The following EXOC6B variants were observed in gnomAD, a reference collection of about 807,000 sequenced individuals.
EXOC6B encodes the protein exocyst complex component 6B.
In EXOC6B, 54 loss-of-function variants were observed where a neutral mutation model predicts 113.5. The observed-to-expected ratio is 0.48, with a 90% confidence interval of 0.38 to 0.60. EXOC6B has a LOEUF of 0.60. Ranked by LOEUF, EXOC6B falls within the 20% of genes least tolerant of loss-of-function variation. The probability of loss-of-function intolerance (pLI) is 0.00; values close to 1 mark genes in which losing one functional copy is unlikely to be tolerated. For synonymous variants in EXOC6B, 357 were observed against 339.0 expected, an observed-to-expected ratio of 1.05 and a Z score of -0.58; for missense variants, 797 against 977.5, an observed-to-expected ratio of 0.82 and a Z score of 2.46.
intron 6 of EXOC6B, among the ~76,000 whole-genome samples, chr2:72,609,295 A>T (rs1670926856): frequency 6.6e-6 from 1 of 151,976 alleles, no homozygotes; most frequent in Non-Finnish European, 1.5e-5. Context: ...GCTGACAAAA[A>T]CTTAAATAAC....
chr2:72,339,276 T>C (rs1688888286), intron 19 of EXOC6B, among the ~76,000 whole-genome samples: 2 of 152,070 alleles, frequency 1.3e-5, no homozygotes, highest in African/African-American at 4.8e-5. Flanking sequence ...GGGAAATACA[T>C]GCAATTTTGG....
chr2:72,782,248 T>C (rs992034727), intron 1 of EXOC6B, among the ~76,000 whole-genome samples: 2 of 152,126 alleles, frequency 1.3e-5, no homozygotes, highest in Non-Finnish European at 1.5e-5. Flanking sequence ...CCTACTATTA[T>C]AGAATGCCTA....
intron 18 of EXOC6B, among the ~76,000 whole-genome samples, chr2:72,400,677 A>C (rs538303134): frequency 6.6e-6 from 1 of 152,024 alleles, no homozygotes; most frequent in African/African-American, 2.4e-5. Context: ...AGCCAAAAAA[A>C]AAAAAGAAAA....
chr2:72,216,940 C>T (rs1185973003), intron 20 of EXOC6B, among the ~76,000 whole-genome samples: 1 of 151,222 alleles, frequency 6.6e-6, no homozygotes, highest in Non-Finnish European at 1.5e-5. Context: ...ACTTGGGAGG[C>T]TGAGGCAGGA....
intron 6 of EXOC6B, among the ~76,000 whole-genome samples, chr2:72,591,367 T>C (rs188529565): frequency 5.0e-4 from 76 of 152,264 alleles, no homozygotes; most frequent in African/African-American, 1.6e-3. Context: ...TTTTGTCTGA[T>C]ATTTTATGAG....
intron 5 of EXOC6B, among the ~76,000 whole-genome samples, chr2:72,726,080 G>T (rs1461953919): frequency 6.6e-6 from 1 of 152,188 alleles, no homozygotes; most frequent in Non-Finnish European, 1.5e-5. Context: ...GCTACAACAT[G>T]AATGAATTTT....
intron 18 of EXOC6B, among the ~76,000 whole-genome samples, chr2:72,453,381 G>A (rs542319012): frequency 7.2e-4 from 110 of 152,104 alleles, no homozygotes; most frequent in Middle Eastern, 6.8e-3. Context: ...TTAAATAAAG[G>A]AAATGTTTAA....
intron 1 of EXOC6B, among the ~76,000 whole-genome samples, chr2:72,763,904 A>C (rs1682894336): frequency 1.3e-5 from 2 of 151,606 alleles, no homozygotes; most frequent in African/African-American, 4.8e-5. Flanking sequence ...AACATGGTGA[A>C]ACCTTGTCTC....
intron 1 of EXOC6B, among the ~76,000 whole-genome samples, chr2:72,787,654 T>C (rs1330328438): frequency 6.6e-6 from 1 of 152,164 alleles, no homozygotes; most frequent in Non-Finnish European, 1.5e-5. Context: ...TGGTCTAATT[T>C]CTTTGTTTGT....
intron 1 of EXOC6B, among the ~76,000 whole-genome samples, chr2:72,765,686 CA>C (rs1683017653): frequency 1.3e-5 from 2 of 151,978 alleles, no homozygotes. Flanking sequence ...AAAACAAAAA[CA>C]AAAACAAAAA....
intron 1 of EXOC6B, among the ~76,000 whole-genome samples, chr2:72,787,818 T>C (rs1337031421): frequency 6.6e-6 from 1 of 151,958 alleles, no homozygotes; most frequent in Non-Finnish European, 1.5e-5. Context: ...TTTTTTTTCT[T>C]GTAGAGATGG....
At chr2:72,257,503 A>T (rs1264611945) in intron 20 of EXOC6B, among the ~76,000 whole-genome samples, 1 of 152,184 alleles carries the variant, frequency 6.6e-6, no homozygotes, top group African/African-American at 2.4e-5. Flanking sequence ...AACCACTATT[A>T]ATCTTTGGTC....
At chr2:72,617,847 A>G (rs1299439678) in intron 6 of EXOC6B, among the ~76,000 whole-genome samples, 5 of 151,758 alleles carry the variant, frequency 3.3e-5, no homozygotes, top group African/African-American at 1.2e-4. Flanking sequence ...TTTGCTACAG[A>G]CTCTCAACAG....
intron 6 of EXOC6B, among the ~76,000 whole-genome samples, chr2:72,585,396 G>A (rs1705493897): frequency 6.6e-6 from 1 of 152,120 alleles, no homozygotes. Context: ...TCAGGAGTTT[G>A]AGACCAGCCT....
chr2:72,707,505 C>A (rs1006003491), intron 6 of EXOC6B, among the ~76,000 whole-genome samples: 62 of 151,842 alleles, frequency 4.1e-4, no homozygotes, highest in African/African-American at 1.5e-3. Context: ...CCTCCGCCTC[C>A]CAGGTTCAAG....
chr2:72,481,262 G>A (rs899400930), intron 16 of EXOC6B, among the ~76,000 whole-genome samples: 2 of 152,030 alleles, frequency 1.3e-5, no homozygotes, highest in Non-Finnish European at 1.5e-5. Flanking sequence ...ACCCAGCCTC[G>A]GGCAGTTCTT....
chr2:72,416,567 G>A (rs1378955518), intron 18 of EXOC6B, among the ~76,000 whole-genome samples: 1 of 152,166 alleles, frequency 6.6e-6, no homozygotes, highest in Non-Finnish European at 1.5e-5. Context: ...GAAGATGCAG[G>A]GGCTGCTGCT....
intron 20 of EXOC6B, among the ~76,000 whole-genome samples, chr2:72,243,062 T>G (rs377379324): frequency 1.3e-5 from 2 of 152,130 alleles, no homozygotes; most frequent in Non-Finnish European, 2.9e-5. Context: ...ACAGGTTGTA[T>G]CAGTCTGTTC....
At chr2:72,497,162 T>C (rs1700081783) in intron 13 of EXOC6B, among the ~76,000 whole-genome samples, 1 of 151,742 alleles carries the variant, frequency 6.6e-6, no homozygotes, top group African/African-American at 2.4e-5. Flanking sequence ...TTTGTAGAGA[T>C]ATAATCTTGC....
Sources: gnomAD v4.1 joint callset for allele counts (sites outside exome capture counted in the v4.1 genomes callset) on GRCh38, gnomAD v4.1.1 for gene constraint, MANE v1.5 for transcripts, NCBI Gene and HGNC (gene_info 2026-07-23, HGNC 2026-07-21) for gene names.